Variants in ARHGAP26 observed in about 807,000 individuals in gnomAD.
The protein encoded by ARHGAP26 is Rho GTPase activating protein 26.
Under a neutral mutation model 104.8 loss-of-function variants are expected in ARHGAP26, and 38 were observed. The observed-to-expected ratio is 0.36, with a 90% CI of 0.28 to 0.48. The LOEUF (loss-of-function observed/expected upper bound fraction) is 0.48, where lower values mean the gene tolerates loss of function less well. Ranked by LOEUF, ARHGAP26 falls within the 20% of genes least tolerant of loss-of-function variation. ARHGAP26 has a pLI of 0.99. For missense variants in ARHGAP26, 704 were observed against 947.9 expected (o/e 0.74, Z 3.38); for synonymous variants, 341 against 340.0 (o/e 1.00, Z -0.03).
In ARHGAP26 at chr5:143,029,428, A is replaced by G. The variant is rs1289592015; in HGVS notation, c.1145-7768A>G. Among the ~76,000 whole-genome samples the G allele has an allele frequency of 7.8e-5, 8 of 102,308 alleles. No individual in the cohort carries two copies. The Admixed American group carries it at 1.2e-3, about 16-fold the overall frequency. 67.1% of individuals were successfully genotyped at this position (102,308 alleles called of 152,430 possible). A position where few individuals can be genotyped will look rare whatever the true frequency, so the allele number is the denominator to read the frequency against. On this transcript the variant is annotated intron_variant, in intron 12 of 22. Coordinates refer to ENST00000645722, the MANE Select transcript of ARHGAP26 (RefSeq NM_001135608.3). ...TTTTTTTTTTTTTTTTTTTTGAGGC[A>G]GGCTCTCACTCTGTTGCTCAGGCTG...
chr5:143,106,319 A>G (rs1794006581), intron 17 of ARHGAP26, among the ~76,000 whole-genome samples: 1 of 152,156 alleles, frequency 6.6e-6, no homozygotes, highest in African/African-American at 2.4e-5. Flanking sequence ...GAGCAGCCAG[A>G]AGCCACAGGG....
intron 1 of ARHGAP26, among the ~76,000 whole-genome samples, chr5:142,804,636 C>T (rs1361394783): frequency 6.6e-6 from 1 of 152,044 alleles, no homozygotes; most frequent in Non-Finnish European, 1.5e-5. Context: ...GGAATACAGG[C>T]ATGTGCCACC....
At chr5:142,774,008 C>T (rs1330550558) in intron 1 of ARHGAP26, among the ~76,000 whole-genome samples, 1 of 152,170 alleles carries the variant, frequency 6.6e-6, no homozygotes, top group Non-Finnish European at 1.5e-5. Flanking sequence ...ATGGCATAAA[C>T]TCTCAAAGGA....
At chr5:142,927,761 T>C (rs1490193193) in intron 10 of ARHGAP26, among the ~76,000 whole-genome samples, 1 of 152,216 alleles carries the variant, frequency 6.6e-6, no homozygotes. Context: ...AGTAGTTCCA[T>C]CAACTTATTC....
intron 11 of ARHGAP26, among the ~76,000 whole-genome samples, chr5:142,969,156 G>A (rs1444778431): frequency 6.6e-6 from 1 of 152,172 alleles, no homozygotes; most frequent in Non-Finnish European, 1.5e-5. Flanking sequence ...GCCCAGGCTT[G>A]TCTTGAACTC....
chr5:143,028,718 A>G (rs1781424387), intron 12 of ARHGAP26, among the ~76,000 whole-genome samples: 1 of 152,224 alleles, frequency 6.6e-6, no homozygotes, highest in Non-Finnish European at 1.5e-5. Context: ...ATATCCAGCC[A>G]GAGGTAGCTG....
chr5:143,130,192 C>A (rs963355569), intron 18 of ARHGAP26, among the ~76,000 whole-genome samples: 1 of 152,064 alleles, frequency 6.6e-6, no homozygotes, highest in Non-Finnish European at 1.5e-5. Context: ...CAGCTTAAGG[C>A]GAAACAGTAG....
At chr5:143,114,923 T>A (rs1795228901) in intron 17 of ARHGAP26, among the ~76,000 whole-genome samples, 1 of 152,156 alleles carries the variant, frequency 6.6e-6, no homozygotes, top group Admixed American at 6.5e-5. Context: ...CTGGGCAGGC[T>A]AGGGGCATGA....
At chr5:142,833,647 C>G (rs956231857) in intron 1 of ARHGAP26, among the ~76,000 whole-genome samples, 1 of 152,148 alleles carries the variant, frequency 6.6e-6, no homozygotes, top group African/African-American at 2.4e-5. Context: ...ATCCTACCTA[C>G]CGCTGATATT....
intron 18 of ARHGAP26, 72 bp downstream of exon 18, chr5:143,121,219 G>T: frequency 7.3e-6 from 11 of 1,513,384 alleles, no homozygotes; most frequent in Non-Finnish European, 9.9e-6. Flanking sequence ...GACCTTCAGA[G>T]TTGGCTCAGA....
chr5:143,111,073 T>C (rs1794722283), intron 17 of ARHGAP26, among the ~76,000 whole-genome samples: 1 of 152,260 alleles, frequency 6.6e-6, no homozygotes, highest in African/African-American at 2.4e-5. Context: ...TCATTCTTCT[T>C]GGGTTCTAGT....
At chr5:143,176,835 A>T (rs1803536563) in intron 20 of ARHGAP26, among the ~76,000 whole-genome samples, 1 of 152,328 alleles carries the variant, frequency 6.6e-6, no homozygotes. Flanking sequence ...TTTCATCGTT[A>T]TGCAATTTTC....
intron 17 of ARHGAP26, among the ~76,000 whole-genome samples, chr5:143,099,696 A>G (rs1792936077): frequency 6.6e-6 from 1 of 152,184 alleles, no homozygotes; most frequent in African/African-American, 2.4e-5. Context: ...ATAAGTCCAA[A>G]ATTATAAACA....
intron 17 of ARHGAP26, among the ~76,000 whole-genome samples, chr5:143,071,175 G>T (rs773762312): frequency 2.7e-5 from 4 of 149,904 alleles, no homozygotes; most frequent in Non-Finnish European, 1.5e-5. Flanking sequence ...AGCAAAAGCA[G>T]TCCTGAGAAA....
intron 20 of ARHGAP26, among the ~76,000 whole-genome samples, chr5:143,182,177 T>C (rs1456669393): frequency 6.6e-6 from 1 of 152,136 alleles, no homozygotes; most frequent in Non-Finnish European, 1.5e-5. Context: ...GTAGTAAGAG[T>C]TGACAACTCT....
At chr5:142,997,941 C>T (rs1287320726) in intron 11 of ARHGAP26, among the ~76,000 whole-genome samples, 1 of 152,104 alleles carries the variant, frequency 6.6e-6, no homozygotes, top group Non-Finnish European at 1.5e-5. Flanking sequence ...TCAGTGAAAA[C>T]AATTCAGCAG....
intron 11 of ARHGAP26, among the ~76,000 whole-genome samples, chr5:142,940,171 G>A (rs1164428107): frequency 1.3e-5 from 2 of 152,226 alleles, no homozygotes; most frequent in Admixed American, 6.5e-5. Flanking sequence ...CAGCTCACCA[G>A]TCTGCGGCTG....
intron 20 of ARHGAP26, among the ~76,000 whole-genome samples, chr5:143,199,964 A>G (rs1168100817): frequency 6.6e-6 from 1 of 152,130 alleles, no homozygotes; most frequent in African/African-American, 2.4e-5. Flanking sequence ...CAGGTTGTGG[A>G]TATCTGTCTC....
chr5:142,907,559 C>T (rs1761270326), intron 8 of ARHGAP26, 145 bp from the exon 9 acceptor site: 2 of 416,378 alleles, frequency 4.8e-6, no homozygotes, highest in Admixed American at 8.1e-5. Flanking sequence ...TTCATTCTAG[C>T]TAGTGTGGAG....
Sources: allele counts gnomAD v4.1 joint callset (sites outside exome capture counted in the v4.1 genomes callset), GRCh38; gene constraint gnomAD v4.1.1; transcripts MANE v1.5; gene names NCBI Gene and HGNC (gene_info 2026-07-23, HGNC 2026-07-21).